The following FBXL17 variants were observed in gnomAD, a reference collection of about 807,000 sequenced individuals.
FBXL17 encodes the protein F-box/LRR-repeat protein 17.
FBXL17 carries 22 observed loss-of-function variants against 66.2 expected under a neutral mutation model. The observed-to-expected ratio is 0.33, with a 90% CI of 0.24 to 0.47. The LOEUF is 0.47. Ranked by LOEUF, FBXL17 falls within the 20% of genes least tolerant of loss-of-function variation. The pLI is 1.00. For missense variants in FBXL17, 878 were observed against 948.2 expected, an observed-to-expected ratio of 0.93 and a Z score of 0.97; for synonymous variants, 474 against 400.5, an observed-to-expected ratio of 1.18 and a Z score of -2.19.
At chr5:107,882,925 C>T (rs1267932888) in intron 7 of FBXL17, among the ~76,000 whole-genome samples, 1 of 152,118 alleles carries the variant, frequency 6.6e-6, no homozygotes, top group African/African-American at 2.4e-5. Context: ...TCCAGAAAAG[C>T]CCTGGACTAT....
At chr5:108,032,117 A>C (rs1746664757) in intron 6 of FBXL17, among the ~76,000 whole-genome samples, 1 of 152,192 alleles carries the variant, frequency 6.6e-6, no homozygotes, top group Non-Finnish European at 1.5e-5. Flanking sequence ...CACATAAATA[A>C]GGCAGGGTTA....
chr5:108,017,808 A>G (rs2112755947), intron 7 of FBXL17, among the ~76,000 whole-genome samples: 1 of 152,256 alleles, frequency 6.6e-6, no homozygotes, highest in African/African-American at 2.4e-5. Context: ...ATTTGTTTAT[A>G]GTTGCTACCC....
intron 7 of FBXL17, among the ~76,000 whole-genome samples, chr5:107,943,633 A>T: frequency 6.8e-6 from 1 of 147,388 alleles, no homozygotes; most frequent in Non-Finnish European, 1.5e-5. Context: ...GCTATCCTCT[A>T]CTCCACTGGT....
intron 5 of FBXL17, among the ~76,000 whole-genome samples, chr5:108,198,005 T>C (rs1315043653): frequency 6.6e-6 from 1 of 152,154 alleles, no homozygotes; most frequent in African/African-American, 2.4e-5. Context: ...TTTCGTCTTT[T>C]GAGCCAAAAA....
At chr5:108,239,684 A>C (rs73214536) in intron 4 of FBXL17, among the ~76,000 whole-genome samples, 32,779 of 151,928 alleles carry the variant, frequency 0.22, 4,209 homozygotes, top group African/African-American at 0.37. Context: ...AGCCAGCGAA[A>C]CTGAAGGGCA....
intron 7 of FBXL17, among the ~76,000 whole-genome samples, chr5:107,927,321 G>A (rs1289062751): frequency 6.6e-6 from 1 of 152,020 alleles, no homozygotes; most frequent in Non-Finnish European, 1.5e-5. Context: ...CAATGGTGTA[G>A]GCAATTAACT....
intron 4 of FBXL17, chr5:108,297,728 T>A (rs1758407073): frequency 1.8e-6 from 1 of 546,794 alleles, no homozygotes; most frequent in Non-Finnish European, 2.3e-6. Context: ...ATTAAGCAAC[T>A]CAGAAATAAA....
At chr5:107,967,900 T>C (rs1215139736) in intron 7 of FBXL17, among the ~76,000 whole-genome samples, 1 of 152,144 alleles carries the variant, frequency 6.6e-6, no homozygotes, top group Non-Finnish European at 1.5e-5. Context: ...AATAATTTTA[T>C]CTAATGTTAG....
intron 7 of FBXL17, among the ~76,000 whole-genome samples, chr5:107,949,466 A>G (rs1024771466): frequency 1.3e-5 from 2 of 152,224 alleles, no homozygotes; most frequent in African/African-American, 4.8e-5. Flanking sequence ...ATCTTTTTAC[A>G]GACAACACAT....
intron 4 of FBXL17, among the ~76,000 whole-genome samples, chr5:108,330,322 G>A (rs1288473647): frequency 1.3e-5 from 2 of 151,934 alleles, no homozygotes; most frequent in African/African-American, 4.8e-5. Flanking sequence ...GATCTACATC[G>A]AGAAAAGCCA....
At chr5:107,980,582 G>A (rs1263836493) in intron 7 of FBXL17, among the ~76,000 whole-genome samples, 1 of 143,254 alleles carries the variant, frequency 7.0e-6, no homozygotes, top group Admixed American at 7.1e-5. Flanking sequence ...GTAATCCACC[G>A]ACCTCGGCTT....
At chr5:108,110,148 T>C (rs40063) in intron 6 of FBXL17, among the ~76,000 whole-genome samples, 99,487 of 151,696 alleles carry the variant, frequency 0.66, 33,583 homozygotes, top group East Asian at 0.92. Context: ...ACTCTCACTG[T>C]TCTGTCAGTA....
chr5:108,054,572 C>T (rs1180376665), intron 6 of FBXL17, among the ~76,000 whole-genome samples: 1 of 152,186 alleles, frequency 6.6e-6, no homozygotes, highest in African/African-American at 2.4e-5. Flanking sequence ...TGAGGTTTCC[C>T]TTTGCAGCTG....
At chr5:108,071,402 T>G (rs1023734079) in intron 6 of FBXL17, among the ~76,000 whole-genome samples, 1 of 152,184 alleles carries the variant, frequency 6.6e-6, no homozygotes, top group African/African-American at 2.4e-5. Context: ...ATGTGTAGAC[T>G]TGAAATTAGA....
intron 7 of FBXL17, among the ~76,000 whole-genome samples, chr5:107,945,364 A>C (rs923399345): frequency 2.0e-5 from 3 of 152,178 alleles, no homozygotes; most frequent in Admixed American, 6.6e-5. Context: ...AATATCTAGT[A>C]AAGTCGAAGA....
rs1248660587 is a variant in FBXL17 at position 107,859,741 on chromosome 5, C to CT, written c.*1978dup. ...CATAGATGGCTCTCCCTTCTTTTGT[C>CT]TTTTTTAACTATTTAAAATATAGTA... On this transcript the variant is annotated 3_prime_UTR_variant, in exon 9 of 9. Coordinates refer to ENST00000542267, the MANE Select transcript of FBXL17 (RefSeq NM_001163315.3). 2.0e-5 allele frequency: 3 copies of CT among 151,904 alleles called. No individual in the cohort carries two copies. The highest frequency in any genetic ancestry group is 7.3e-5 in the African/African-American group (3 of 41,342). 9.4% of individuals were successfully genotyped at this position (151,904 alleles called of 1,614,324 possible).
At chr5:108,209,734 G>A (rs1296688065) in intron 5 of FBXL17, among the ~76,000 whole-genome samples, 2 of 152,038 alleles carry the variant, frequency 1.3e-5, no homozygotes, top group South Asian at 2.1e-4. Context: ...GAGGATTTTC[G>A]AATCAATGTT....
At chr5:108,248,452 C>T (rs1429319983) in intron 4 of FBXL17, among the ~76,000 whole-genome samples, 4 of 152,014 alleles carry the variant, frequency 2.6e-5, no homozygotes, top group Admixed American at 1.3e-4. Flanking sequence ...ACCTTAGACA[C>T]CTACGTGACT....
intron 6 of FBXL17, among the ~76,000 whole-genome samples, chr5:108,030,505 T>C (rs1425317940): frequency 6.6e-6 from 1 of 152,122 alleles, no homozygotes; most frequent in Non-Finnish European, 1.5e-5. Flanking sequence ...AGTACTCAGA[T>C]TTGCGTTATT....
Sources: allele counts gnomAD v4.1 joint callset (sites outside exome capture counted in the v4.1 genomes callset), GRCh38; gene constraint gnomAD v4.1.1; transcripts MANE v1.5; gene names NCBI Gene and HGNC (gene_info 2026-07-23, HGNC 2026-07-21).